The following MACROD2 variants were observed in gnomAD, a reference collection of about 807,000 sequenced individuals.
MACROD2 encodes the protein ADP-ribose glycohydrolase MACROD2.
MACROD2 carries 36 observed loss-of-function variants against 70.4 expected under a neutral mutation model. That is an observed-to-expected ratio of 0.51 (90% CI 0.39 to 0.68). The LOEUF is 0.68. Ranked by LOEUF, MACROD2 falls within the 30% of genes least tolerant of loss-of-function variation. The pLI is 0.00. For synonymous variants in MACROD2, 172 were observed against 178.8 expected, an observed-to-expected ratio of 0.96 and a Z score of 0.30; for missense variants, 496 against 538.4, an observed-to-expected ratio of 0.92 and a Z score of 0.78.
At chr20:14,121,458 C>T (rs1353595834) in intron 3 of MACROD2, among the ~76,000 whole-genome samples, 1 of 152,180 alleles carries the variant, frequency 6.6e-6, no homozygotes, top group African/African-American at 2.4e-5. Context: ...ACATGTACTT[C>T]ATGATATTAA....
intron 3 of MACROD2, among the ~76,000 whole-genome samples, chr20:14,216,895 T>G (rs988330832): frequency 6.6e-6 from 1 of 152,230 alleles, no homozygotes; most frequent in African/African-American, 2.4e-5. Flanking sequence ...TTATCAGTTC[T>G]AAGAGCTTTC....
intron 4 of MACROD2, among the ~76,000 whole-genome samples, chr20:14,607,861 G>A (rs942689836): frequency 1.3e-5 from 2 of 152,102 alleles, no homozygotes; most frequent in Non-Finnish European, 2.9e-5. Context: ...GGAAAGAGAA[G>A]AAAAGGAAGG....
chr20:15,134,352 A>G (rs1003082271), intron 5 of MACROD2, among the ~76,000 whole-genome samples: 13 of 151,670 alleles, frequency 8.6e-5, no homozygotes, highest in African/African-American at 3.1e-4. Context: ...AAGAACAGAA[A>G]TTATAACAAA....
At chr20:14,137,468 T>A (rs989749222) in intron 3 of MACROD2, among the ~76,000 whole-genome samples, 8 of 152,184 alleles carry the variant, frequency 5.3e-5, no homozygotes, top group South Asian at 4.1e-4. Flanking sequence ...GCATTTGTTG[T>A]AAGGCAGGTC....
chr20:15,006,145 G>A lies in MACROD2; in HGVS notation c.419-223795G>A, dbSNP rs866446865. ...GAATGCATTTTATATATATATATGT[G>A]TGTGTGTGTGTGTGTGTGTGTGTGT... On this transcript the variant is annotated intron_variant, in intron 5 of 17. Coordinates refer to ENST00000684519, the MANE Select transcript of MACROD2 (RefSeq NM_001351661.2). Among the ~76,000 whole-genome samples the A allele has an allele frequency of 3.6e-3, 491 of 134,980 alleles. 3 individuals are homozygous for A. The highest frequency in any genetic ancestry group is 0.013 in the African/African-American group (462 of 34,964). The allele number at this position is 134,980 out of a possible 152,430, so 88.6% of individuals were successfully genotyped here.
intron 6 of MACROD2, among the ~76,000 whole-genome samples, chr20:15,327,649 T>G (rs1484877346): frequency 1.3e-5 from 2 of 151,966 alleles, no homozygotes; most frequent in Admixed American, 6.6e-5. Flanking sequence ...CCACAACACA[T>G]GGGGGTTATG....
At chr20:15,444,828 A>C (rs557293799) in intron 7 of MACROD2, among the ~76,000 whole-genome samples, 1 of 151,262 alleles carries the variant, frequency 6.6e-6, no homozygotes, top group South Asian at 2.1e-4. Context: ...TAATAATGTA[A>C]AATGAGGTTA....
chr20:15,918,372 T>C (rs2065351424), intron 10 of MACROD2, among the ~76,000 whole-genome samples: 1 of 152,228 alleles, frequency 6.6e-6, no homozygotes, highest in Non-Finnish European at 1.5e-5. Context: ...AAGTAGTATA[T>C]GCGTATATTT....
chr20:15,878,641 A>G (rs979955157), intron 9 of MACROD2, among the ~76,000 whole-genome samples: 56 of 152,174 alleles, frequency 3.7e-4, no homozygotes, highest in African/African-American at 1.3e-3. Flanking sequence ...TCCAAAACCC[A>G]TAGCATACTT....
At chr20:15,070,957 A>G (rs1201514478) in intron 5 of MACROD2, among the ~76,000 whole-genome samples, 1 of 152,068 alleles carries the variant, frequency 6.6e-6, no homozygotes, top group Non-Finnish European at 1.5e-5. Flanking sequence ...ACGAATAGCA[A>G]AAATTAGTGA....
intron 5 of MACROD2, among the ~76,000 whole-genome samples, chr20:14,845,720 T>C (rs1282890352): frequency 6.6e-6 from 1 of 151,952 alleles, no homozygotes; most frequent in Admixed American, 6.6e-5. Context: ...ACAGCATTGC[T>C]TCAACCAAGA....
chr20:15,434,600 A>C (rs1359893413), intron 7 of MACROD2, among the ~76,000 whole-genome samples: 1 of 152,182 alleles, frequency 6.6e-6, no homozygotes, highest in Non-Finnish European at 1.5e-5. Context: ...CCATTATGGA[A>C]AATGGTATGG....
intron 6 of MACROD2, among the ~76,000 whole-genome samples, chr20:15,250,355 G>A (rs1462831684): frequency 6.6e-6 from 1 of 152,156 alleles, no homozygotes; most frequent in African/African-American, 2.4e-5. Flanking sequence ...TGATGTACTT[G>A]TCTATCTGCC....
intron 4 of MACROD2, among the ~76,000 whole-genome samples, chr20:14,518,763 G>A (rs2085131720): frequency 6.6e-6 from 1 of 152,114 alleles, no homozygotes; most frequent in Non-Finnish European, 1.5e-5. Flanking sequence ...TTCAGCAAGG[G>A]AGATAAGACT....
intron 5 of MACROD2, among the ~76,000 whole-genome samples, chr20:14,968,284 A>G (rs1243294381): frequency 6.6e-6 from 1 of 152,180 alleles, no homozygotes; most frequent in Admixed American, 6.5e-5. Context: ...AAATGTGTGT[A>G]CAATCATTCA....
chr20:15,041,156 C>T (rs2075353215), intron 5 of MACROD2, among the ~76,000 whole-genome samples: 1 of 152,142 alleles, frequency 6.6e-6, no homozygotes, highest in Admixed American at 6.6e-5. Flanking sequence ...TTCTGATCTC[C>T]ATTTGTGGAA....
chr20:14,877,329 A>G (rs998101820), intron 5 of MACROD2, among the ~76,000 whole-genome samples: 1 of 151,964 alleles, frequency 6.6e-6, no homozygotes, highest in Non-Finnish European at 1.5e-5. Context: ...TGCTAAAGTC[A>G]TTGTTCAATT....
intron 5 of MACROD2, among the ~76,000 whole-genome samples, chr20:14,758,944 A>G (rs1400032522): frequency 6.6e-6 from 1 of 152,068 alleles, no homozygotes; most frequent in African/African-American, 2.4e-5. Flanking sequence ...ATTTCATGGC[A>G]TGTATCTCTG....
chr20:15,215,064 A>G (rs1447271563), intron 5 of MACROD2, among the ~76,000 whole-genome samples: 1 of 152,210 alleles, frequency 6.6e-6, no homozygotes, highest in East Asian at 1.9e-4. Flanking sequence ...TCAAAACTGA[A>G]CTATAGTTTT....
Sources: gnomAD v4.1 joint callset for allele counts (sites outside exome capture counted in the v4.1 genomes callset) on GRCh38, gnomAD v4.1.1 for gene constraint, MANE v1.5 for transcripts, NCBI Gene and HGNC (gene_info 2026-07-23, HGNC 2026-07-21) for gene names.